Variants in SNAP91 observed in about 807,000 individuals in gnomAD.
SNAP91 encodes clathrin coat assembly protein AP180.
Under a neutral mutation model 100.3 loss-of-function variants are expected in SNAP91, and 27 were observed. That is an observed-to-expected ratio of 0.27 (90% CI 0.20 to 0.37). The LOEUF (loss-of-function observed/expected upper bound fraction) is 0.37, where lower values mean the gene tolerates loss of function less well. Ranked by LOEUF, SNAP91 falls within the 10% of genes least tolerant of loss-of-function variation. The pLI is 1.00. For missense variants in SNAP91, 986 were observed against 1,123.7 expected (o/e 0.88, Z 1.75); for synonymous variants, 404 against 398.6 (o/e 1.01, Z -0.16).
At chr6:83,628,523 G>GT (rs562616201) in intron 8 of SNAP91, among the ~76,000 whole-genome samples, 10,930 of 145,284 alleles carry the variant, frequency 0.075, 410 homozygotes, top group African/African-American at 0.11. Flanking sequence ...AACATCTACT[G>GT]TTTTTTTTTT....
intron 8 of SNAP91, among the ~76,000 whole-genome samples, chr6:83,639,651 T>C (rs901787846): frequency 2.6e-5 from 4 of 151,914 alleles, no homozygotes; most frequent in African/African-American, 7.3e-5. Flanking sequence ...ACAGAAGGAA[T>C]TGACACATAA....
intron 26 of SNAP91, among the ~76,000 whole-genome samples, chr6:83,568,459 C>A (rs1005998907): frequency 4.9e-5 from 7 of 142,906 alleles, no homozygotes; most frequent in African/African-American, 1.8e-4. Context: ...GAAACCTGCA[C>A]GTTGTGCACA....
chr6:83,648,849 C>T (rs1562500048), intron 7 of SNAP91, among the ~76,000 whole-genome samples: 2 of 152,156 alleles, frequency 1.3e-5, no homozygotes, highest in Non-Finnish European at 2.9e-5. Flanking sequence ...GATAGGCATC[C>T]CTAAAACATA....
chr6:83,680,268 C>T (rs540527658), intron 2 of SNAP91, among the ~76,000 whole-genome samples: 125 of 152,252 alleles, frequency 8.2e-4, no homozygotes, highest in Non-Finnish European at 1.6e-3. Context: ...ATCAATTATT[C>T]AATTCAAAAG....
At position 83,665,580 on chromosome 6, in the gene SNAP91, A is replaced by G; in HGVS notation, c.132T>C (p.Tyr44=). The G allele has an allele frequency of 1.2e-6, 2 of 1,605,732 alleles. No individual in the cohort carries two copies. The highest frequency in any genetic ancestry group is 1.7e-6 in the Non-Finnish European group (2 of 1,177,530). Residue 44 remains tyrosine (Y), a splice_region_variant and synonymous_variant, in exon 3 of 30, where the codon TAT becomes TAC. Transcript: ENST00000369694. Reference sequence around the variant, plus strand: ...TGGTCTCGTTGGTAGCCTGGATCAAATCTATGAAAATAGAAGATATTAATC... The same window carrying G: ...TGGTCTCGTTGGTAGCCTGGATCAAGTCTATGAAAATAGAAGATATTAATC... ...VMGPKKKHLD[Y]LIQATNETNV...
chr6:83,639,398 T>C (rs1009519559), intron 8 of SNAP91, among the ~76,000 whole-genome samples: 1 of 152,200 alleles, frequency 6.6e-6, no homozygotes, highest in African/African-American at 2.4e-5. Flanking sequence ...TGGTTATGGT[T>C]GTCCCATTGT....
intron 22 of SNAP91, among the ~76,000 whole-genome samples, chr6:83,588,943 G>A (rs1295442244): frequency 6.6e-6 from 1 of 152,190 alleles, no homozygotes; most frequent in Non-Finnish European, 1.5e-5. Context: ...TCCCATTTGA[G>A]ATCTGTGGCA....
intron 13 of SNAP91, 142 bp from the exon 14 acceptor site, chr6:83,605,945 C>CT: frequency 1.3e-6 from 1 of 749,090 alleles, no homozygotes; most frequent in Non-Finnish European, 2.1e-6. Flanking sequence ...AAGTATAGAG[C>CT]TATAGCATAT....
chr6:83,672,990 T>C (rs187228532), intron 2 of SNAP91, among the ~76,000 whole-genome samples: 27 of 152,240 alleles, frequency 1.8e-4, no homozygotes, highest in African/African-American at 6.3e-4. Flanking sequence ...TCTTGTAAAC[T>C]TGAGCTTCCA....
chr6:83,595,794 C>T (rs1222096491), intron 16 of SNAP91, among the ~76,000 whole-genome samples: 1 of 152,192 alleles, frequency 6.6e-6, no homozygotes, highest in Non-Finnish European at 1.5e-5. Flanking sequence ...ATATTAGGCT[C>T]TAGGACATGC....
chr6:83,575,886 T>G, intron 25 of SNAP91, 137 bp downstream of exon 25: 1 of 602,670 alleles, frequency 1.7e-6, no homozygotes, highest in Non-Finnish European at 2.9e-6. Context: ...TGGGATGAAA[T>G]AAACACCAAT....
intron 2 of SNAP91, among the ~76,000 whole-genome samples, chr6:83,695,897 A>T (rs1005222147): frequency 4.2e-5 from 6 of 142,302 alleles, no homozygotes; most frequent in African/African-American, 1.3e-4. Context: ...ATAACTAAAA[A>T]TTAAGCAACT....
rs1583292922 is a variant in SNAP91 at position 83,603,483 on chromosome 6, GCCT to G, written c.1142-1887_1142-1885del. Among the ~76,000 whole-genome samples the G allele has an allele frequency of 3.9e-5, 6 of 151,906 alleles. No homozygotes were observed. In the East Asian group the frequency reaches 1.2e-3, roughly 29 times the overall value. ...GGGCTTAAGTGAGATTCTCATCTCA[GCCT>G]CCTCAGAAGCTACATGCATGAGCCA... On this transcript the variant is annotated intron_variant, in intron 14 of 29. Transcript: ENST00000369694.
intron 2 of SNAP91, chr6:83,690,432 T>C (rs1318057254): frequency 1.6e-6 from 2 of 1,287,838 alleles, no homozygotes; most frequent in East Asian, 5.5e-5. Context: ...AGAAGGTTTG[T>C]AGGTCTACGA....
At chr6:83,688,689 G>C (rs890104125) in intron 2 of SNAP91, among the ~76,000 whole-genome samples, 13 of 151,958 alleles carry the variant, frequency 8.6e-5, no homozygotes, top group African/African-American at 3.1e-4. Flanking sequence ...ATTTTTGGTA[G>C]AGACGGGGTT....
At chr6:83,556,478 C>G (rs1779111006) in intron 28 of SNAP91, among the ~76,000 whole-genome samples, 1 of 150,414 alleles carries the variant, frequency 6.6e-6, no homozygotes, top group African/African-American at 2.4e-5. Flanking sequence ...TCTACTTGTT[C>G]TACATAGTCA....
intron 26 of SNAP91, among the ~76,000 whole-genome samples, chr6:83,573,707 A>T (rs1812769851): frequency 6.6e-6 from 1 of 152,198 alleles, no homozygotes; most frequent in African/African-American, 2.4e-5. Flanking sequence ...GGGGAAAGGA[A>T]TCCTTATTTA....
rs1376931666 is a variant in SNAP91 at position 83,593,023 on chromosome 6, A to C, written c.1775-6T>G. 6.4e-7 allele frequency: 1 copy of C among 1,574,736 alleles called. No homozygotes were observed. The highest frequency in any genetic ancestry group is 1.3e-5 in the African/African-American group (1 of 74,130). On this transcript the variant is annotated splice_polypyrimidine_tract_variant and splice_region_variant and intron_variant, in intron 19 of 29. Transcript: ENST00000369694. The stretch of plus-strand genomic sequence containing the variant: ...TGGTGGAGAGGAGAAAGCATCTTCC[A>C]AAAGTGAAACAAACCAAAACCAAGC...
chr6:83,578,174 A>C (rs1177681715), intron 24 of SNAP91, among the ~76,000 whole-genome samples: 1 of 152,136 alleles, frequency 6.6e-6, no homozygotes, highest in Non-Finnish European at 1.5e-5. Flanking sequence ...ACAATACTAT[A>C]AACATTCATG....
Sources: allele counts gnomAD v4.1 joint callset (sites outside exome capture counted in the v4.1 genomes callset), GRCh38; gene constraint gnomAD v4.1.1; transcripts MANE v1.5; gene names NCBI Gene and HGNC (gene_info 2026-07-23, HGNC 2026-07-21).